Variants in EDEM2 observed in about 807,000 individuals in gnomAD.
The protein encoded by EDEM2 is ER degradation enhancing alpha-mannosidase like protein 2.
Under a neutral mutation model 64.8 loss-of-function variants are expected in EDEM2, and 39 were observed. The ratio of observed to expected loss-of-function variants is 0.60; its 90% CI spans 0.47 to 0.79. The LOEUF (loss-of-function observed/expected upper bound fraction) is 0.79, where lower values mean the gene tolerates loss of function less well. Ranked by LOEUF, EDEM2 falls within the 30% of genes least tolerant of loss-of-function variation. The probability of loss-of-function intolerance (pLI) is 0.00; values close to 1 mark genes in which losing one functional copy is unlikely to be tolerated. For synonymous variants in EDEM2, 296 were observed against 291.5 expected, an observed-to-expected ratio of 1.02 and a Z score of -0.16; for missense variants, 609 against 731.3, an observed-to-expected ratio of 0.83 and a Z score of 1.93.
intron 6 of EDEM2, among the ~76,000 whole-genome samples, chr20:35,133,682 G>A (rs370882878): frequency 1.3e-5 from 2 of 152,048 alleles, no homozygotes; most frequent in East Asian, 3.9e-4. Flanking sequence ...GGTCAGGCTG[G>A]TCTCGAACTC....
rs780793692 is a variant in EDEM2, at chr20:35,134,858, C to A, written c.582G>T (p.Gly194=). Residue 194 remains glycine (G), a synonymous_variant, in exon 6 of 11, where the codon GGG becomes GGT. Coordinates refer to ENST00000374492, the MANE Select transcript of EDEM2 (RefSeq NM_018217.3). ...PGETPVTCTA[G]IGTFIVEFAT... is the part of the protein sequence containing the mutation. ...CAAATTCAACAATGAAGGTCCCAATCCCTGCCGTACAGGTGACAGGGGTCT... is the reference window on the plus strand; with the variant it reads ...CAAATTCAACAATGAAGGTCCCAATACCTGCCGTACAGGTGACAGGGGTCT... The A allele has an allele frequency of 1.5e-5, 24 of 1,614,072 alleles. No homozygotes were observed. Among genetic ancestry groups the A allele is most frequent in the Non-Finnish European group, 5.9e-6 (7 of 1,180,038 alleles).
chr20:35,139,607 G>T (rs1443720702), intron 4 of EDEM2, among the ~76,000 whole-genome samples: 3 of 142,782 alleles, frequency 2.1e-5, no homozygotes, highest in Middle Eastern at 4.2e-3. Flanking sequence ...CTGAGATCAT[G>T]ACACTGCACT....
intron 9 of EDEM2, among the ~76,000 whole-genome samples, chr20:35,122,716 A>C (rs1264534902): frequency 6.6e-6 from 1 of 152,226 alleles, no homozygotes; most frequent in South Asian, 2.1e-4. Flanking sequence ...CAAATGCATG[A>C]GAAACATCAA....
chr20:35,115,652 G>A lies in EDEM2; in HGVS notation c.1518C>T (p.Tyr506=). 1 of 1,614,184 alleles carries A rather than the reference G, an allele frequency of 6.2e-7. No individual in the cohort carries two copies. The highest frequency in any genetic ancestry group is 1.6e-4 in the Middle Eastern group (1 of 6,062). The change falls in exon 11 of 11, where the codon TAC becomes TAT. Residue 506 remains tyrosine, a synonymous_variant. Transcript: ENST00000374492. ...WEVEDLMREF[Y]SLKRSRSKFQ... is the part of the protein sequence containing the mutation. ...ATTTCGACCTGCTCCGTTTGAGAGA[G>A]TAGAATTCCCTCATCAAGTCCTCCA...
chr20:35,115,672 C>G lies in EDEM2; in HGVS notation c.1498G>C (p.Asp500His). 6.2e-7 allele frequency: 1 copy of G among 1,614,226 alleles called. No individual in the cohort carries two copies. Among genetic ancestry groups the G allele is most frequent in the Non-Finnish European group, 8.5e-7 (1 of 1,180,038 alleles). The stretch of plus-strand genomic sequence containing the variant: ...AGAGAGTAGAATTCCCTCATCAAGT[C>G]CTCCACCTCCCACTGCTCTTCCTTC... Reference protein sequence around the residue: ...RLKEEQWEVEDLMREFYSLKR... With the variant: ...RLKEEQWEVEHLMREFYSLKR... The change falls in exon 11 of 11, where the codon GAC becomes CAC. Residue 500 changes from aspartate to histidine, a missense_variant. By Grantham distance (81) the Asp-to-His change is moderately conservative. Coordinates refer to ENST00000374492, the MANE Select transcript of EDEM2 (RefSeq NM_018217.3).
At chr20:35,127,104 A>G (rs1306273239) in intron 7 of EDEM2, among the ~76,000 whole-genome samples, 3 of 152,260 alleles carry the variant, frequency 2.0e-5, no homozygotes, top group Middle Eastern at 3.4e-3. Flanking sequence ...TGATGGTTTT[A>G]TAAGAGGTTT....
chr20:35,131,351 G>A (rs2085503079), intron 7 of EDEM2, among the ~76,000 whole-genome samples: 2 of 152,166 alleles, frequency 1.3e-5, no homozygotes, highest in Admixed American at 1.3e-4. Context: ...CGGAGTTTGA[G>A]ACCAGCCTGG....
chr20:35,144,837 C>T, intron 3 of EDEM2, 142 bp downstream of exon 3: 1 of 902,514 alleles, frequency 1.1e-6, no homozygotes, highest in Non-Finnish European at 1.7e-6. Context: ...TAGGCAACCA[C>T]AGCCGGACGC....
chr20:35,137,183 C>T (rs558244496), intron 5 of EDEM2, among the ~76,000 whole-genome samples: 53 of 152,076 alleles, frequency 3.5e-4, no homozygotes, highest in African/African-American at 8.4e-4. Flanking sequence ...TTTGGGAGGC[C>T]GAGGCAGCCA....
At chr20:35,125,618 T>C (rs747640986) in intron 8 of EDEM2, among the ~76,000 whole-genome samples, 2 of 152,112 alleles carry the variant, frequency 1.3e-5, no homozygotes, top group South Asian at 4.1e-4. Context: ...TCTCCTAACC[T>C]TGTGATCCGC....
At chr20:35,132,602 C>T (rs1230377967) in intron 6 of EDEM2, among the ~76,000 whole-genome samples, 1 of 152,118 alleles carries the variant, frequency 6.6e-6, no homozygotes, top group South Asian at 2.1e-4. Flanking sequence ...TGCAGTGAGC[C>T]GAGATCGTGC....
intron 3 of EDEM2, among the ~76,000 whole-genome samples, chr20:35,143,052 G>A (rs1402840945): frequency 6.6e-6 from 1 of 152,140 alleles, no homozygotes; most frequent in East Asian, 1.9e-4. Flanking sequence ...GACCGCACCT[G>A]GCCAAAAGTC....
At chr20:35,147,109 C>G in intron 1 of EDEM2, 43 bp downstream of exon 1, 1 of 1,582,982 alleles carries the variant, frequency 6.3e-7, no homozygotes. Context: ...ACCGGGTTCA[C>G]GCTTCCCATT....
At chr20:35,122,946 T>C (rs994401266) in intron 9 of EDEM2, among the ~76,000 whole-genome samples, 13 of 151,990 alleles carry the variant, frequency 8.6e-5, no homozygotes, top group African/African-American at 2.7e-4. Flanking sequence ...TGTTTTGGGG[T>C]GGGGGATGAC....
chr20:35,126,196 G>C (rs2085429830), intron 8 of EDEM2, 55 bp downstream of exon 8: 1 of 1,588,132 alleles, frequency 6.3e-7, no homozygotes, highest in Non-Finnish European at 8.5e-7. Flanking sequence ...ACATCAGAAT[G>C]AGCTTGCTTT....
intron 10 of EDEM2, among the ~76,000 whole-genome samples, chr20:35,116,503 G>A (rs1488649368): frequency 6.6e-6 from 1 of 152,108 alleles, no homozygotes; most frequent in Non-Finnish European, 1.5e-5. Flanking sequence ...CCTGCTTCGG[G>A]CTCTTTGCAT....
Position 35,126,361 on chromosome 20 carries a change from T to C in EDEM2, c.859A>G (p.Ile287Val). 2 of 1,614,020 alleles carry C rather than the reference T, an allele frequency of 1.2e-6. No individual in the cohort carries two copies. The highest frequency in any genetic ancestry group is 1.7e-6 in the Non-Finnish European group (2 of 1,180,012). Residue 287 changes from isoleucine to valine, a missense_variant, in exon 8 of 11, where the codon ATC becomes GTC. By Grantham distance (29) the Ile-to-Val change is conservative. Transcript: ENST00000374492. ...TCATCGAAGCGGGTGTAGTTCCGGATGGCTTTGTTATACTCTGCAGTGGGG... is the reference window on the plus strand; with the variant it reads ...TCATCGAAGCGGGTGTAGTTCCGGACGGCTTTGTTATACTCTGCAGTGGGG... ...MAMFLEYNKA[I>V]RNYTRFDDWY... is the part of the protein sequence containing the mutation.
chr20:35,130,271 T>C (rs770769698), intron 7 of EDEM2, among the ~76,000 whole-genome samples: 1 of 152,066 alleles, frequency 6.6e-6, no homozygotes. Context: ...GGTCTCACCA[T>C]GTTGCCCAGG....
At chr20:35,147,097 G>T in intron 1 of EDEM2, 55 bp downstream of exon 1, 1 of 1,571,578 alleles carries the variant, frequency 6.4e-7, no homozygotes, top group Non-Finnish European at 8.7e-7. Flanking sequence ...GAAAGGGAAA[G>T]GACCGGGTTC....
Sources: allele counts gnomAD v4.1 joint callset (sites outside exome capture counted in the v4.1 genomes callset), GRCh38; gene constraint gnomAD v4.1.1; transcripts MANE v1.5; gene names NCBI Gene and HGNC (gene_info 2026-07-23, HGNC 2026-07-21).